GLIS1: variants seen among roughly 807,000 people sequenced by gnomAD.
The protein encoded by GLIS1 is zinc finger protein GLIS1.
GLIS1 carries 24 observed loss-of-function variants against 63.8 expected under a neutral mutation model. That is an observed-to-expected ratio of 0.38 (90% CI 0.27 to 0.53). The LOEUF (loss-of-function observed/expected upper bound fraction) is 0.53, where lower values mean the gene tolerates loss of function less well. Among genes scored for constraint, GLIS1 ranks in the 20% least tolerant of loss-of-function variants. The pLI is 0.85. For missense variants in GLIS1, 1,036 were observed against 1,074.1 expected (o/e 0.96, Z 0.50); for synonymous variants, 450 against 482.5 (o/e 0.93, Z 0.88).
intron 4 of GLIS1, among the ~76,000 whole-genome samples, chr1:53,573,339 G>GA (rs2100471611): frequency 6.6e-6 from 1 of 152,144 alleles, no homozygotes; most frequent in South Asian, 2.1e-4. Context: ...GAGAATGGGG[G>GA]AAGGACAGTG....
At chr1:53,710,569 A>T (rs540976523) in intron 2 of GLIS1, among the ~76,000 whole-genome samples, 5 of 152,348 alleles carry the variant, frequency 3.3e-5, no homozygotes, top group Admixed American at 3.3e-4. Context: ...ATCATTCTTC[A>T]TGGGGACAAT....
At chr1:53,715,046 A>G (rs1033078572) in intron 2 of GLIS1, among the ~76,000 whole-genome samples, 18 of 152,216 alleles carry the variant, frequency 1.2e-4, no homozygotes, top group African/African-American at 3.9e-4. Flanking sequence ...CCTCCCAAGT[A>G]TTAGGGACTA....
chr1:53,615,867 G>A (rs1324763410), intron 2 of GLIS1, among the ~76,000 whole-genome samples: 1 of 151,972 alleles, frequency 6.6e-6, no homozygotes, highest in Non-Finnish European at 1.5e-5. Context: ...TCATGCCTCA[G>A]CCTTCCGAGT....
At chr1:53,654,455 G>A (rs1645942528) in intron 2 of GLIS1, among the ~76,000 whole-genome samples, 1 of 152,170 alleles carries the variant, frequency 6.6e-6, no homozygotes, top group Non-Finnish European at 1.5e-5. Context: ...ACACAGGGAT[G>A]GCAGGCAGAC....
rs1460204555 is a variant in GLIS1 at position 53,539,915 on chromosome 1, C to T, written c.1321-9963G>A. ...ACCTCTCTAGCCCAATGTCTACTTC[C>T]CTCCCCACGCTGCAGCCACAGGCCA... On this transcript the variant is annotated intron_variant, in intron 4 of 10. Coordinates refer to ENST00000628545, the MANE Select transcript of GLIS1 (RefSeq NM_001367484.1). The surrounding 1 kb of genome is among the most constrained non-coding windows in gnomAD (Gnocchi z 5.0). 1.3e-5 allele frequency among the ~76,000 whole-genome samples: 2 copies of T among 152,168 alleles called. No individual in the cohort carries two copies. Among genetic ancestry groups the T allele is most frequent in the Non-Finnish European group, 2.9e-5 (2 of 68,032 alleles).
chr1:53,693,657 C>T (rs1413818712), intron 2 of GLIS1, among the ~76,000 whole-genome samples: 1 of 152,172 alleles, frequency 6.6e-6, no homozygotes, highest in Admixed American at 6.5e-5. Context: ...GTCCCGGCCT[C>T]GGGGTCGCCA....
intron 2 of GLIS1, among the ~76,000 whole-genome samples, chr1:53,610,270 T>C (rs1645412319): frequency 6.6e-6 from 1 of 152,212 alleles, no homozygotes; most frequent in African/African-American, 2.4e-5. Context: ...AGTTAATATT[T>C]AAAAAAATAC....
intron 2 of GLIS1, among the ~76,000 whole-genome samples, chr1:53,682,364 T>TGCATCCCC (rs1187323556): frequency 1.3e-5 from 2 of 152,272 alleles, no homozygotes; most frequent in Non-Finnish European, 2.9e-5. Flanking sequence ...CCTGCATCCC[T>TGCATCCCC]GCATCCCCGC....
At chr1:53,622,136 T>C (rs987984923) in intron 2 of GLIS1, among the ~76,000 whole-genome samples, 3 of 151,850 alleles carry the variant, frequency 2.0e-5, no homozygotes, top group African/African-American at 7.3e-5. Context: ...TGGTGGCCCC[T>C]TGAAAGATAT....
In GLIS1 at chr1:53,733,151, AT is replaced by A. The variant is rs534173508; in HGVS notation, c.259+4654del. On this transcript the variant is annotated intron_variant, in intron 2 of 10. Coordinates refer to ENST00000628545, the MANE Select transcript of GLIS1 (RefSeq NM_001367484.1). ...TTCAGAACAAAGAACATAAGAATAT[AT>A]TTTTTTAAGTGATTCATTGTGCACT... Among the ~76,000 whole-genome samples, 151 of 152,294 alleles carry A rather than the reference AT, an allele frequency of 9.9e-4. 2 individuals carry two copies. The highest frequency in any genetic ancestry group is 3.4e-3 in the African/African-American group (143 of 41,560).
At chr1:53,546,865 C>T (rs1644704200) in intron 4 of GLIS1, among the ~76,000 whole-genome samples, 1 of 152,220 alleles carries the variant, frequency 6.6e-6, no homozygotes, top group African/African-American at 2.4e-5. Flanking sequence ...CCCTGGGGTC[C>T]CCCACCATGC....
At chr1:53,673,376 T>C (rs538999429) in intron 2 of GLIS1, among the ~76,000 whole-genome samples, 1 of 152,338 alleles carries the variant, frequency 6.6e-6, no homozygotes, top group South Asian at 2.1e-4. Flanking sequence ...CCAGTTACAC[T>C]GTGCTGAGGG....
chr1:53,549,594 TC>T (rs1644738512), intron 4 of GLIS1, among the ~76,000 whole-genome samples: 2 of 152,378 alleles, frequency 1.3e-5, no homozygotes, highest in South Asian at 4.1e-4. Context: ...CAGGTCAAGT[TC>T]CTTGCCTATT....
At chr1:53,677,868 A>G (rs1429488678) in intron 2 of GLIS1, among the ~76,000 whole-genome samples, 2 of 152,170 alleles carry the variant, frequency 1.3e-5, no homozygotes, top group African/African-American at 2.4e-5. Context: ...TTTGCCTCCC[A>G]TCTCACTGCT....
chr1:53,611,135 A>G (rs1645420702), intron 2 of GLIS1, among the ~76,000 whole-genome samples: 8 of 151,978 alleles, frequency 5.3e-5, no homozygotes, highest in Admixed American at 5.2e-4. Flanking sequence ...CCCAGGCTGG[A>G]GTACTGTGGC....
intron 2 of GLIS1, among the ~76,000 whole-genome samples, chr1:53,731,929 A>G (rs1646865468): frequency 6.6e-6 from 1 of 152,188 alleles, no homozygotes; most frequent in South Asian, 2.1e-4. Flanking sequence ...GGGACTATGG[A>G]TCATCCAACT....
intron 2 of GLIS1, among the ~76,000 whole-genome samples, chr1:53,679,524 A>C (rs977601148): frequency 2.6e-5 from 4 of 152,162 alleles, no homozygotes; most frequent in Non-Finnish European, 5.9e-5. Context: ...ACCCCTGCCC[A>C]AACCACAGGC....
chr1:53,622,880 T>G (rs11582051), intron 2 of GLIS1, among the ~76,000 whole-genome samples: 144 of 152,382 alleles, frequency 9.4e-4, no homozygotes, highest in Admixed American at 2.4e-3. Flanking sequence ...TTTGTCGCAG[T>G]AGCCTCAGGA....
chr1:53,526,994 A>C lies in GLIS1; in HGVS notation c.1483-2107T>G, dbSNP rs548735135. ...CCGTGCGGAGCCCCTGCCCGTCTGC[A>C]CTTGGAGGCCAGCTCTGCTGGGAGC... On this transcript the variant is annotated intron_variant, in intron 5 of 10. Coordinates refer to ENST00000628545, the MANE Select transcript of GLIS1 (RefSeq NM_001367484.1). This position sits in a 1 kb window ranked among gnomAD's most constrained non-coding sequence, Gnocchi z 4.4. Among the ~76,000 whole-genome samples the C allele has an allele frequency of 6.6e-6, 1 of 152,190 alleles. No homozygotes were observed. The highest frequency in any genetic ancestry group is 1.5e-5 in the Non-Finnish European group (1 of 68,040).
Sources: gnomAD v4.1 joint callset for allele counts (sites outside exome capture counted in the v4.1 genomes callset) on GRCh38, gnomAD v4.1.1 for gene constraint, Gnocchi (gnomAD v3.1) non-coding constraint, MANE v1.5 for transcripts, NCBI Gene and HGNC (gene_info 2026-07-23, HGNC 2026-07-21) for gene names.